ZW10: variants seen among roughly 807,000 people sequenced by gnomAD.
ZW10 encodes centromere/kinetochore protein zw10 homolog.
In ZW10, 53 loss-of-function variants were observed where a neutral mutation model predicts 87.8. The ratio of observed to expected loss-of-function variants is 0.60; its 90% CI spans 0.48 to 0.76. The LOEUF is 0.76. Among genes scored for constraint, ZW10 ranks in the 30% least tolerant of loss-of-function variants. ZW10 has a pLI of 0.00. For missense variants in ZW10, 837 were observed against 923.0 expected (o/e 0.91, Z 1.21); for synonymous variants, 312 against 329.2 (o/e 0.95, Z 0.57).
chr11:113,769,026 A>T lies in ZW10; in HGVS notation c.106-59T>A, dbSNP rs978515554. On this transcript the variant is annotated intron_variant, in intron 1 of 15. Transcript: ENST00000200135. ...GTGAAATGAGTAGAGAACTCTAATAAGAATATATTCATCTTCCACAAGGCA... is the reference window on the plus strand; with the variant it reads ...GTGAAATGAGTAGAGAACTCTAATATGAATATATTCATCTTCCACAAGGCA... 1.9e-6 allele frequency: 3 copies of T among 1,553,268 alleles called. No individual in the cohort carries two copies. The Admixed American group carries it at 5.1e-5, about 27-fold the overall frequency.
At chr11:113,755,897 T>A (rs1379750425) in intron 7 of ZW10, among the ~76,000 whole-genome samples, 2 of 152,210 alleles carry the variant, frequency 1.3e-5, no homozygotes, top group African/African-American at 4.8e-5. Context: ...AATAATAATA[T>A]ATTTTTAAAT....
Position 113,733,764 on chromosome 11 carries a change from A to G in ZW10, c.2270T>C (p.Val757Ala). The G allele has an allele frequency of 6.2e-7, 1 of 1,614,006 alleles. No homozygotes were observed. Among genetic ancestry groups the G allele is most frequent in the Non-Finnish European group, 8.5e-7 (1 of 1,179,940 alleles). ...PLAAAFSSSE[V>A]KALIRALFQN... is the part of the protein sequence containing the mutation. ...AAACAAGGCACGAATTAAAGCTTTT[A>G]CTTCACTGGAAGAGAACGCAGCTGC... Residue 757 changes from valine to alanine, a missense_variant, in exon 16 of 16, where the codon GTA (valine) becomes GCA (alanine). Physicochemically the swap from Val to Ala is moderately conservative, Grantham distance 64. Transcript: ENST00000200135.
At chr11:113,735,244 T>G (rs947150359) in intron 15 of ZW10, among the ~76,000 whole-genome samples, 2 of 152,182 alleles carry the variant, frequency 1.3e-5, no homozygotes, top group Non-Finnish European at 2.9e-5. Context: ...AGTGTTATAA[T>G]TTTTCTTATA....
intron 4 of ZW10, 53 bp from the exon 5 acceptor site, chr11:113,760,421 T>C (rs1591420538): frequency 5.6e-6 from 9 of 1,605,448 alleles, no homozygotes; most frequent in East Asian, 2.2e-5. Flanking sequence ...TCAGGGCAAT[T>C]AGAATATATT....
chr11:113,744,275 T>C (rs1014385740), intron 9 of ZW10, among the ~76,000 whole-genome samples: 3 of 151,958 alleles, frequency 2.0e-5, no homozygotes, highest in Non-Finnish European at 4.4e-5. Flanking sequence ...TAGTCCCAGC[T>C]ACTCGGGAGG....
intron 14 of ZW10, among the ~76,000 whole-genome samples, chr11:113,737,239 G>A (rs1953563801): frequency 6.6e-6 from 1 of 152,142 alleles, no homozygotes; most frequent in Admixed American, 6.5e-5. Context: ...ACCTGCACAA[G>A]ACTGCATTCA....
At position 113,744,038 on chromosome 11, in the gene ZW10, A is replaced by C. The variant is rs1326232809; in HGVS notation, c.1275T>G (p.Ile425Met). ...GCACATTTATCTTAGAATCAGGAAT[A>C]ATCTAAGATTCAAACACAAAAATAC... is the stretch of plus-strand genomic sequence containing the variant. Reference protein sequence around the residue: ...MTSEIHNTVKIIPDSKINVPE... With the variant: ...MTSEIHNTVKMIPDSKINVPE... The change falls in exon 10 of 16, where the codon ATT becomes ATG. Residue 425 changes from isoleucine (I) to methionine (M), a missense_variant and splice_region_variant. Coordinates refer to ENST00000200135, the MANE Select transcript of ZW10 (RefSeq NM_004724.4). 6.2e-7 allele frequency: 1 copy of C among 1,602,674 alleles called. No homozygotes were observed. Among genetic ancestry groups the C allele is most frequent in the Non-Finnish European group, 8.5e-7 (1 of 1,170,436 alleles).
intron 2 of ZW10, among the ~76,000 whole-genome samples, chr11:113,766,567 G>T (rs1413544437): frequency 6.7e-6 from 1 of 150,362 alleles, no homozygotes; most frequent in African/African-American, 2.5e-5. Flanking sequence ...CCAGCTACTC[G>T]GGAGGCTGAG....
intron 12 of ZW10, among the ~76,000 whole-genome samples, chr11:113,738,670 A>G (rs1953578798): frequency 6.6e-6 from 1 of 152,218 alleles, no homozygotes; most frequent in East Asian, 1.9e-4. Flanking sequence ...GGAACTACTT[A>G]TTATTCTGAT....
intron 7 of ZW10, among the ~76,000 whole-genome samples, chr11:113,755,757 T>C (rs553517429): frequency 3.3e-5 from 5 of 152,234 alleles, no homozygotes; most frequent in African/African-American, 9.6e-5. Context: ...TTTTAAGAAA[T>C]TGACGCAGCC....
chr11:113,765,117 C>T (rs960052731), intron 2 of ZW10, among the ~76,000 whole-genome samples: 4 of 152,178 alleles, frequency 2.6e-5, no homozygotes, highest in African/African-American at 9.7e-5. Context: ...ACAGGACAGA[C>T]CTCTACAACA....
intron 7 of ZW10, among the ~76,000 whole-genome samples, chr11:113,757,108 A>T (rs1486173923): frequency 8.4e-6 from 1 of 119,470 alleles, no homozygotes; most frequent in Non-Finnish European, 1.9e-5. Context: ...AAATAGACTT[A>T]AAAAAAAAAA....
At chr11:113,769,538 C>CA (rs1953942183) in intron 1 of ZW10, 1 of 162,222 alleles carries the variant, frequency 6.2e-6, no homozygotes, top group Non-Finnish European at 1.3e-5. Flanking sequence ...GTAACTTAAA[C>CA]AAAGTACTGA....
Position 113,768,906 on chromosome 11 carries a change from G to A in ZW10, c.167C>T (p.Ala56Val), listed in dbSNP as rs201149106. 74 of 1,613,898 alleles carry A rather than the reference G, an allele frequency of 4.6e-5. No individual in the cohort carries two copies. Among genetic ancestry groups the A allele is most frequent in the Admixed American group, 1.7e-4 (10 of 59,998 alleles). ...ATCCACCTGGGTAATCAGGCCCTGC[G>A]CGCTCTGCATGCTAGGCAGGAATTC... ...YSEFLPSMQS[A>V]QGLITQVDKL... Residue 56 changes from alanine (A) to valine (V), a missense_variant, in exon 2 of 16, where the codon GCG (alanine) becomes GTG (valine). By Grantham distance (64) the Ala-to-Val change is moderately conservative. Coordinates refer to ENST00000200135, the MANE Select transcript of ZW10 (RefSeq NM_004724.4).
At chr11:113,757,335 TCTC>T (rs1212103177) in intron 7 of ZW10, among the ~76,000 whole-genome samples, 16 of 152,206 alleles carry the variant, frequency 1.1e-4, no homozygotes, top group Non-Finnish European at 2.2e-4. Context: ...CATTTCTTCT[TCTC>T]CTATAATTAA....
At chr11:113,757,972 G>A in intron 6 of ZW10, 119 bp from the exon 7 acceptor site, 1 of 676,686 alleles carries the variant, frequency 1.5e-6, no homozygotes, top group Non-Finnish European at 2.3e-6. Context: ...GATCATCTGA[G>A]GCCAGCCTGG....
intron 1 of ZW10, 91 bp from the exon 2 acceptor site, chr11:113,769,058 A>G (rs1953936343): frequency 7.2e-6 from 10 of 1,391,114 alleles, no homozygotes; most frequent in East Asian, 4.6e-5. Context: ...GGCATTTTCC[A>G]TGTTAGAACC....
intron 15 of ZW10, among the ~76,000 whole-genome samples, chr11:113,734,952 TAAAG>T (rs1047119715): frequency 3.3e-5 from 5 of 152,274 alleles, no homozygotes; most frequent in East Asian, 1.9e-4. Context: ...GGTAGAACTA[TAAAG>T]AAAGGTAAGG....
intron 7 of ZW10, among the ~76,000 whole-genome samples, chr11:113,755,349 G>A (rs936219247): frequency 1.3e-5 from 2 of 152,174 alleles, no homozygotes; most frequent in African/African-American, 4.8e-5. Flanking sequence ...ACTTTGAGGG[G>A]TTTAAGACTT....
Sources: gnomAD v4.1 joint callset for allele counts (sites outside exome capture counted in the v4.1 genomes callset) on GRCh38, gnomAD v4.1.1 for gene constraint, MANE v1.5 for transcripts, NCBI Gene and HGNC (gene_info 2026-07-23, HGNC 2026-07-21) for gene names.